The following CHST12 variants were observed in gnomAD, a reference collection of about 807,000 sequenced individuals.
The protein encoded by CHST12 is carbohydrate (chondroitin 4) sulfotransferase 12.
CHST12 carries 23 observed loss-of-function variants against 27.9 expected under a neutral mutation model. The observed-to-expected ratio is 0.82, with a 90% CI of 0.59 to 1.17. The LOEUF (loss-of-function observed/expected upper bound fraction) is 1.17. Among genes scored for constraint, CHST12 ranks in the 50% most tolerant of loss-of-function variants. The pLI, the probability that CHST12 is intolerant of heterozygous loss-of-function variation, is 0.00. For synonymous variants in CHST12, 322 were observed against 273.0 expected (o/e 1.18, Z -1.77); for missense variants, 682 against 603.0 (o/e 1.13, Z -1.37).
intron 1 of CHST12, among the ~76,000 whole-genome samples, chr7:2,426,060 C>T (rs1782110604): frequency 1.3e-5 from 2 of 151,976 alleles, no homozygotes; most frequent in South Asian, 2.1e-4. Context: ...CTGCATAGTC[C>T]GGGATGGGAG....
At chr7:2,423,831 C>T (rs533349985) in intron 1 of CHST12, among the ~76,000 whole-genome samples, 4 of 152,178 alleles carry the variant, frequency 2.6e-5, no homozygotes, top group Non-Finnish European at 5.9e-5. Context: ...ATGCCAGAAG[C>T]AGAGGCGGGT....
intron 1 of CHST12, among the ~76,000 whole-genome samples, chr7:2,430,085 T>C (rs774293488): frequency 3.3e-5 from 5 of 151,756 alleles, no homozygotes; most frequent in Non-Finnish European, 7.4e-5. Context: ...GCCCGGCCTT[T>C]TCTGCTTTCT....
chr7:2,423,799 AAGAGGCCAGGCGTGGTGGCTCATGCC>A (rs1159286264), intron 1 of CHST12, among the ~76,000 whole-genome samples: 4 of 152,188 alleles, frequency 2.6e-5, no homozygotes, highest in Admixed American at 2.0e-4. Flanking sequence ...AAAATGAATT[AAGAGGCCAGGCGTGGTGGCTCATGCC>A]AGAAGCAGAG....
chr7:2,437,087 A>T lies in CHST12; in HGVS notation c.*3203A>T, dbSNP rs1047293384. The T allele has an allele frequency of 3.9e-5, 6 of 152,274 alleles. No individual in the cohort carries two copies. The highest frequency in any genetic ancestry group is 1.4e-4 in the African/African-American group (6 of 41,468). The allele number at this position is 152,274 out of a possible 1,614,324, so 9.4% of individuals were successfully genotyped here. On this transcript the variant is annotated 3_prime_UTR_variant, in exon 2 of 2. Transcript: ENST00000618655. ...GTTTTTTCTTTTTCCACTGAAACAC[A>T]GCAAATTATACATTTTATGAAAATT...
At chr7:2,427,771 A>G (rs540090388) in intron 1 of CHST12, among the ~76,000 whole-genome samples, 2 of 152,214 alleles carry the variant, frequency 1.3e-5, no homozygotes, top group East Asian at 3.9e-4. Flanking sequence ...ATTTTTGAAC[A>G]TTGAGCCGTT....
Position 2,435,400 on chromosome 7 carries a change from T to G in CHST12, c.*1516T>G, listed in dbSNP as rs1269452075. On this transcript the variant is annotated 3_prime_UTR_variant, in exon 2 of 2. Transcript: ENST00000618655. ...CTGTCTCTGTGGCTTTCTGGTTGGT[T>G]TAGCTCCAGTGCCTTCACCCTCAAG... 6.6e-6 allele frequency: 1 copy of G among 152,240 alleles called. No individual in the cohort carries two copies. The highest frequency in any genetic ancestry group is 1.5e-5 in the Non-Finnish European group (1 of 68,090). The allele number at this position is 152,240 out of a possible 1,614,324, so 9.4% of individuals were successfully genotyped here. A position where few individuals can be genotyped will look rare whatever the true frequency, so the allele number is the denominator to read the frequency against.
At chr7:2,427,169 A>G (rs187607232) in intron 1 of CHST12, among the ~76,000 whole-genome samples, 16 of 152,026 alleles carry the variant, frequency 1.1e-4, no homozygotes, top group Non-Finnish European at 2.2e-4. Context: ...TGGGTGACAC[A>G]GCGAGACCCT....
chr7:2,423,317 G>C (rs540518302), intron 1 of CHST12, among the ~76,000 whole-genome samples: 20 of 151,958 alleles, frequency 1.3e-4, no homozygotes, highest in Non-Finnish European at 2.6e-4. Flanking sequence ...AAAATCGTGT[G>C]GTTATAACCG....
At position 2,433,023 on chromosome 7, in the gene CHST12, GCGGGGCTTCTGCGCCAACTC is replaced by G. The variant is rs1782337002; in HGVS notation, c.386_405del (p.Arg129GlnfsTer259). The G allele has an allele frequency of 6.2e-7, 1 of 1,611,102 alleles. No homozygotes were observed. Among genetic ancestry groups the G allele is most frequent in the Non-Finnish European group, 8.5e-7 (1 of 1,179,484 alleles). On this transcript the variant is annotated frameshift_variant, in exon 2 of 2. Coordinates refer to ENST00000618655, the MANE Select transcript of CHST12 (RefSeq NM_018641.5). LOFTEE classifies it high-confidence loss of function. This position sits in a 1 kb window ranked among gnomAD's most constrained non-coding sequence, Gnocchi z 6.1. ...AGCAGGCGGAGCGGAGGAGCGTGCT[GCGGGGCTTCTGCGCCAACTC>G]CAGCCTGGCCTTCCCCACCAAGGAG... is the stretch of plus-strand genomic sequence containing the variant.
Position 2,432,622 on chromosome 7 carries a change from C to G in CHST12, c.-18C>G. The G allele has an allele frequency of 1.3e-6, 2 of 1,595,926 alleles. No homozygotes were observed. Among genetic ancestry groups the G allele is most frequent in the Non-Finnish European group, 1.7e-6 (2 of 1,167,876 alleles). On this transcript the variant is annotated 5_prime_UTR_variant, in exon 2 of 2. Transcript: ENST00000618655. Reference sequence around the variant, plus strand: ...TGAAGTGAGAGGCCCGGAGAGGGCCCAGCCCGCCCGGGGCAGGATGACCAA... The same window carrying G: ...TGAAGTGAGAGGCCCGGAGAGGGCCGAGCCCGCCCGGGGCAGGATGACCAA...
Position 2,434,442 on chromosome 7 carries a change from C to G in CHST12, c.*558C>G, listed in dbSNP as rs1782416721. On this transcript the variant is annotated 3_prime_UTR_variant, in exon 2 of 2. Transcript: ENST00000618655. ...CTAACTCCAGCTGTTCCCATACTGT[C>G]TAGTTTAAATTATGGCTGTTAAGGC... is the stretch of plus-strand genomic sequence containing the variant. 1 of 167,642 alleles carries G rather than the reference C, an allele frequency of 6.0e-6. No homozygotes were observed. Among genetic ancestry groups the G allele is most frequent in the Non-Finnish European group, 1.5e-5 (1 of 68,772 alleles). The allele number at this position is 167,642 out of a possible 1,614,324, so 10.4% of individuals were successfully genotyped here. A position where few individuals can be genotyped will look rare whatever the true frequency, so the allele number is the denominator to read the frequency against.
Position 2,438,504 on chromosome 7 carries a change from G to A in CHST12, c.*4620G>A, listed in dbSNP as rs188743167. On this transcript the variant is annotated 3_prime_UTR_variant, in exon 2 of 2. Transcript: ENST00000618655. ...CAGATACCACCCAGCCCCCAAGGAT[G>A]CCATCACCAGGCTGGGGCGCTCCCA... 3 of 152,378 alleles carry A rather than the reference G, an allele frequency of 2.0e-5. No homozygotes were observed. Among genetic ancestry groups the A allele is most frequent in the Admixed American group, 6.5e-5 (1 of 15,302 alleles). The allele number at this position is 152,378 out of a possible 1,614,324, so 9.4% of individuals were successfully genotyped here. A position where few individuals can be genotyped will look rare whatever the true frequency, so the allele number is the denominator to read the frequency against.
At chr7:2,405,765 G>A (rs1287759057) in intron 1 of CHST12, among the ~76,000 whole-genome samples, 1 of 152,264 alleles carries the variant, frequency 6.6e-6, no homozygotes, top group South Asian at 2.1e-4. Flanking sequence ...CTGCGATGAG[G>A]AGCGCTGCGG....
intron 1 of CHST12, among the ~76,000 whole-genome samples, chr7:2,415,548 A>G (rs1219035797): frequency 6.6e-6 from 1 of 151,884 alleles, no homozygotes; most frequent in Non-Finnish European, 1.5e-5. Context: ...CTTGATGTTG[A>G]TAGCTGCTGA....
chr7:2,430,456 C>T (rs1475784785), intron 1 of CHST12, among the ~76,000 whole-genome samples: 3 of 152,166 alleles, frequency 2.0e-5, no homozygotes, highest in Non-Finnish European at 2.9e-5. Flanking sequence ...GCTGGGATTA[C>T]AGGCGCCTGC....
intron 1 of CHST12, among the ~76,000 whole-genome samples, chr7:2,428,236 C>G (rs1187906904): frequency 6.6e-6 from 1 of 151,026 alleles, no homozygotes; most frequent in African/African-American, 2.4e-5. Context: ...GCTCTATCAC[C>G]CAGGCTGGAG....
At chr7:2,423,867 G>A (rs1000102436) in intron 1 of CHST12, among the ~76,000 whole-genome samples, 5 of 152,188 alleles carry the variant, frequency 3.3e-5, no homozygotes, top group Non-Finnish European at 5.9e-5. Context: ...AGGAGTTCGA[G>A]ACCAGCCTGG....
chr7:2,413,723 C>CTTTTT (rs1198072520), intron 1 of CHST12, among the ~76,000 whole-genome samples: 26 of 104,086 alleles, frequency 2.5e-4, no homozygotes, highest in Non-Finnish European at 3.2e-4. Flanking sequence ...CAGGTTTTAG[C>CTTTTT]TTTTTTTTTT....
At chr7:2,419,314 G>C (rs1180636309) in intron 1 of CHST12, among the ~76,000 whole-genome samples, 1 of 150,798 alleles carries the variant, frequency 6.6e-6, no homozygotes, top group Non-Finnish European at 1.5e-5. Flanking sequence ...AGGCTGAGGT[G>C]GGAGGATCAC....
Sources: allele counts gnomAD v4.1 joint callset (sites outside exome capture counted in the v4.1 genomes callset), GRCh38; gene constraint gnomAD v4.1.1; non-coding constraint Gnocchi (gnomAD v3.1); transcripts MANE v1.5; gene names NCBI Gene and HGNC (gene_info 2026-07-23, HGNC 2026-07-21).